The following ATP6V1A variants were observed in gnomAD, a reference collection of about 807,000 sequenced individuals.
The protein encoded by ATP6V1A is V-type proton ATPase catalytic subunit A.
A neutral mutation model predicts 70.1 loss-of-function variants in ATP6V1A; 18 were observed. The ratio of observed to expected loss-of-function variants is 0.26; its 90% CI spans 0.18 to 0.38. The LOEUF is 0.38. Ranked by LOEUF, ATP6V1A falls within the 10% of genes least tolerant of loss-of-function variation. ATP6V1A has a pLI of 1.00. For synonymous variants in ATP6V1A, 232 were observed against 253.8 expected (o/e 0.91, Z 0.82); for missense variants, 424 against 772.4 (o/e 0.55, Z 5.35).
At chr3:113,760,607 A>C (rs1708692721) in intron 1 of ATP6V1A, among the ~76,000 whole-genome samples, 1 of 150,758 alleles carries the variant, frequency 6.6e-6, no homozygotes, top group Admixed American at 6.6e-5. Context: ...GGGTGCCTGT[A>C]GTCCCAGCTA....
At chr3:113,767,934 G>A (rs568521623) in intron 1 of ATP6V1A, among the ~76,000 whole-genome samples, 52 of 152,246 alleles carry the variant, frequency 3.4e-4, no homozygotes, top group African/African-American at 1.2e-3. Context: ...GTGAGCCACC[G>A]TGCCTGGCTG....
At chr3:113,767,097 T>G (rs1202302293) in intron 1 of ATP6V1A, among the ~76,000 whole-genome samples, 1 of 147,632 alleles carries the variant, frequency 6.8e-6, no homozygotes, top group Non-Finnish European at 1.5e-5. Flanking sequence ...TTTTTTTTTT[T>G]TTTTTTTTTT....
At chr3:113,794,832 GC>G (rs1409607174) in intron 8 of ATP6V1A, 39 bp from the exon 9 acceptor site, 5 of 1,579,682 alleles carry the variant, frequency 3.2e-6, no homozygotes, top group Non-Finnish European at 4.3e-6. Context: ...ATTTTTATAT[GC>G]TAGCATTGTA....
chr3:113,791,603 G>C (rs556724758), intron 8 of ATP6V1A, among the ~76,000 whole-genome samples: 3 of 152,084 alleles, frequency 2.0e-5, no homozygotes, highest in Admixed American at 6.5e-5. Context: ...AATTCTTCAT[G>C]GTAACTTGTG....
rs1709320907 is a variant in ATP6V1A at position 113,809,894 on chromosome 3, CAA to C, written c.*469_*470del. On this transcript the variant is annotated 3_prime_UTR_variant, in exon 15 of 15. Coordinates refer to ENST00000273398, the MANE Select transcript of ATP6V1A (RefSeq NM_001690.4). ...AGCTCATTGGCAGCTTAGCATTTTGCAAAGGAATTGCTTTGCAGGAAATATTT... is the reference window on the plus strand; with the variant it reads ...AGCTCATTGGCAGCTTAGCATTTTGCAGGAATTGCTTTGCAGGAAATATTT... 1.3e-5 allele frequency: 2 copies of C among 152,344 alleles called. No individual in the cohort carries two copies. Among genetic ancestry groups the C allele is most frequent in the South Asian group, 4.1e-4 (2 of 4,830 alleles). The allele number at this position is 152,344 out of a possible 1,614,324, so 9.4% of individuals were successfully genotyped here. A position where few individuals can be genotyped will look rare whatever the true frequency, so the allele number is the denominator to read the frequency against.
intron 8 of ATP6V1A, among the ~76,000 whole-genome samples, chr3:113,794,297 A>G: frequency 6.6e-6 from 1 of 152,230 alleles, no homozygotes. Context: ...TATGTGATAT[A>G]TAGAGAGAAG....
intron 1 of ATP6V1A, among the ~76,000 whole-genome samples, chr3:113,749,153 G>C (rs977718249): frequency 6.6e-6 from 1 of 152,074 alleles, no homozygotes; most frequent in African/African-American, 2.4e-5. Flanking sequence ...TAGGGAACTC[G>C]TGAAAGCAAT....
Position 113,805,743 on chromosome 3 carries a change from AT to A in ATP6V1A, c.1761+225del, listed in dbSNP as rs568126708. ...GCCAGCACGCCCAGCTAATTTTTGGATTTTTTTAGTAGAGATGGGGTTTCAC... is the reference window on the plus strand; with the variant it reads ...GCCAGCACGCCCAGCTAATTTTTGGATTTTTTAGTAGAGATGGGGTTTCAC... On this transcript the variant is annotated intron_variant, in intron 14 of 14. Coordinates refer to ENST00000273398, the MANE Select transcript of ATP6V1A (RefSeq NM_001690.4). 5.9e-3 allele frequency among the ~76,000 whole-genome samples: 894 copies of A among 151,884 alleles called. 14 individuals are homozygous for A. The highest frequency in any genetic ancestry group is 0.021 in the African/African-American group (851 of 41,436).
Position 113,784,333 on chromosome 3 carries a change from G to T in ATP6V1A, c.321G>T (p.Ser107=). The part of the protein sequence containing the change: ...AIFDGIQRPL[S]DISSQTQSIY... Reference sequence around the variant, plus strand: ...TTGATGGTATTCAAAGACCTTTGTCGGATATCAGCAGTCAGACCCAAAGCA... The same window carrying T: ...TTGATGGTATTCAAAGACCTTTGTCTGATATCAGCAGTCAGACCCAAAGCA... The change falls in exon 4 of 15, where the codon TCG becomes TCT. Residue 107 remains serine, a synonymous_variant. Transcript: ENST00000273398. 2 of 1,614,008 alleles carry T rather than the reference G, an allele frequency of 1.2e-6. No homozygotes were observed. Among genetic ancestry groups the T allele is most frequent in the African/African-American group, 2.7e-5 (2 of 75,034 alleles).
At chr3:113,759,269 T>C (rs1268186193) in intron 1 of ATP6V1A, among the ~76,000 whole-genome samples, 1 of 151,152 alleles carries the variant, frequency 6.6e-6, no homozygotes, top group Non-Finnish European at 1.5e-5. Flanking sequence ...ATTTTTAGAT[T>C]TTTCTATATA....
At chr3:113,759,274 T>C (rs1323389907) in intron 1 of ATP6V1A, among the ~76,000 whole-genome samples, 3 of 149,816 alleles carry the variant, frequency 2.0e-5, no homozygotes, top group Non-Finnish European at 1.5e-5. Flanking sequence ...TAGATTTTTC[T>C]ATATAGTTAC....
Position 113,778,908 on chromosome 3 carries a change from A to G in ATP6V1A, c.82+73A>G, listed in dbSNP as rs1329971415. 11 of 1,018,576 alleles carry G rather than the reference A, an allele frequency of 1.1e-5. No individual in the cohort carries two copies. The East Asian group carries it at 2.9e-4, about 27-fold the overall frequency. 63.1% of individuals were successfully genotyped at this position (1,018,576 alleles called of 1,614,324 possible). ...AATGTCTTTTCAAAATATTTTACAT[A>G]GAAATATACAACTTTCTGTTTACCT... On this transcript the variant is annotated intron_variant, in intron 2 of 14. Coordinates refer to ENST00000273398, the MANE Select transcript of ATP6V1A (RefSeq NM_001690.4).
chr3:113,784,436 C>G lies in ATP6V1A; in HGVS notation c.424C>G (p.Arg142Gly), dbSNP rs751090149. Residue 142 changes from arginine (R) to glycine (G), a missense_variant and splice_region_variant, in exon 4 of 15, where the codon CGG becomes GGG. Arg to Gly is a moderately radical substitution (Grantham distance 125, BLOSUM62 -2). This residue lies in a region of ATP6V1A where 139 missense variants were observed against 163.5 expected (regional missense o/e 0.85). Transcript: ENST00000273398. ...KWDFTPCKNLRVGSHITGGDI... is the reference protein window; with the variant it reads ...KWDFTPCKNLGVGSHITGGDI... ...GGACTTTACACCTTGCAAAAACCTA[C>G]GGGTATGTCTGTGTAACCAAGAATT... The G allele has an allele frequency of 6.2e-7, 1 of 1,604,656 alleles. No individual in the cohort carries two copies. Among genetic ancestry groups the G allele is most frequent in the East Asian group, 2.2e-5 (1 of 44,800 alleles).
At chr3:113,784,481 T>C (rs778903049) in intron 4 of ATP6V1A, 43 bp downstream of exon 4, 1 of 1,532,938 alleles carries the variant, frequency 6.5e-7, no homozygotes, top group South Asian at 1.1e-5. Context: ...ATTGAAAGAA[T>C]ATAAAATGAA....
At chr3:113,807,152 G>A (rs1397624282) in intron 14 of ATP6V1A, among the ~76,000 whole-genome samples, 2 of 150,818 alleles carry the variant, frequency 1.3e-5, no homozygotes, top group East Asian at 1.9e-4. Flanking sequence ...GGATATACAC[G>A]GTCGTTTATT....
At chr3:113,771,782 TA>T (rs1038648687) in intron 1 of ATP6V1A, among the ~76,000 whole-genome samples, 50 of 152,272 alleles carry the variant, frequency 3.3e-4, no homozygotes, top group African/African-American at 1.0e-3. Context: ...TATGGATACA[TA>T]AGTGTATATA....
intron 11 of ATP6V1A, among the ~76,000 whole-genome samples, 200 bp from the exon 12 acceptor site, chr3:113,798,043 G>A (rs1709172259): frequency 6.6e-6 from 1 of 152,002 alleles, no homozygotes; most frequent in Non-Finnish European, 1.5e-5. Flanking sequence ...TGAGTCAGGA[G>A]AATTGTTTGA....
intron 1 of ATP6V1A, among the ~76,000 whole-genome samples, chr3:113,762,776 G>C (rs1467415877): frequency 2.0e-5 from 3 of 151,996 alleles, no homozygotes; most frequent in African/African-American, 7.3e-5. Context: ...TTTTGTGGGG[G>C]GGGAATACTG....
rs775955478 is a variant in ATP6V1A, at chr3:113,784,847, G to A, written c.564+14G>A. 4.3e-6 allele frequency: 7 copies of A among 1,613,008 alleles called. No individual in the cohort carries two copies. Among genetic ancestry groups the A allele is most frequent in the Non-Finnish European group, 5.9e-6 (7 of 1,179,288 alleles). On this transcript the variant is annotated intron_variant, in intron 5 of 14. Transcript: ENST00000273398. Reference sequence around the variant, plus strand: ...TATGATACCTCTGTAAGTATCATTTGAACTTTATCCTGCAGAGTGCCTCTA... The same window carrying A: ...TATGATACCTCTGTAAGTATCATTTAAACTTTATCCTGCAGAGTGCCTCTA...
Sources: allele counts gnomAD v4.1 joint callset (sites outside exome capture counted in the v4.1 genomes callset), GRCh38; gene constraint gnomAD v4.1.1; regional missense constraint gnomAD v4.1.1; transcripts MANE v1.5; gene names NCBI Gene and HGNC (gene_info 2026-07-23, HGNC 2026-07-21).